The following POLG2 variants were observed in gnomAD, a reference collection of about 807,000 sequenced individuals.
POLG2 encodes the protein DNA polymerase subunit gamma-2.
In POLG2, 50 loss-of-function variants were observed where a neutral mutation model predicts 56.5. The ratio of observed to expected loss-of-function variants is 0.88; its 90% CI spans 0.71 to 1.12. POLG2 has a LOEUF of 1.12. POLG2 is among the 50% of genes most tolerant of loss of function. The probability of loss-of-function intolerance (pLI) is 0.00; values close to 1 mark genes in which losing one functional copy is unlikely to be tolerated. For synonymous variants in POLG2, 226 were observed against 222.6 expected (o/e 1.02, Z -0.14); for missense variants, 584 against 583.3 (o/e 1.00, Z -0.01).
At chr17:64,486,936 TA>T (rs1293702709) in intron 4 of POLG2, 1 of 152,250 alleles carries the variant, frequency 6.6e-6, no homozygotes, top group Non-Finnish European at 1.5e-5. Context: ...TCAAACTTCT[TA>T]AAAATTTCAA....
rs367696388 is a variant in POLG2 at position 64,497,003 on chromosome 17, A to G, written c.-35T>C. ...AAGTTAAAGAGCACACTCTCCCATC[A>G]CTCAACGGATCCCAACAAGCCACCA... On this transcript the variant is annotated 5_prime_UTR_variant, in exon 1 of 8. Transcript: ENST00000539111. 126 of 1,575,556 alleles carry G rather than the reference A, an allele frequency of 8.0e-5. No homozygotes were observed. Among genetic ancestry groups the G allele is most frequent in the Non-Finnish European group, 1.1e-4 (123 of 1,157,806 alleles).
chr17:64,489,552 G>T (rs1555668131), intron 4 of POLG2, among the ~76,000 whole-genome samples: 1 of 151,774 alleles, frequency 6.6e-6, no homozygotes, highest in African/African-American at 2.4e-5. Flanking sequence ...TTTCATCCCA[G>T]GAGTTCGAGA....
chr17:64,482,722 C>T (rs1200209440), intron 6 of POLG2, among the ~76,000 whole-genome samples, 197 bp downstream of exon 6: 6 of 152,124 alleles, frequency 3.9e-5, no homozygotes, highest in East Asian at 1.9e-4. Flanking sequence ...TCAGAAAATC[C>T]GAAATCCAAA....
At chr17:64,493,094 T>A in intron 1 of POLG2, 73 bp from the exon 2 acceptor site, 1 of 1,434,810 alleles carries the variant, frequency 7.0e-7, no homozygotes, top group Non-Finnish European at 9.8e-7. Context: ...ATAGACACAT[T>A]AATAGTAGTA....
Position 64,497,034 on chromosome 17 carries a change from G to T in POLG2, c.-66C>A, listed in dbSNP as rs886053251. 2 of 1,488,428 alleles carry T rather than the reference G, an allele frequency of 1.3e-6. No homozygotes were observed. Among genetic ancestry groups the T allele is most frequent in the African/African-American group, 1.4e-5 (1 of 73,016 alleles). The allele number at this position is 1,488,428 out of a possible 1,614,324, so 92.2% of individuals were successfully genotyped here. Reference sequence around the variant, plus strand: ...CGGATCCCAACAAGCCACCACTACCGTTAACAGAATCCGGAGAGGCCACGG... The same window carrying T: ...CGGATCCCAACAAGCCACCACTACCTTTAACAGAATCCGGAGAGGCCACGG... On this transcript the variant is annotated 5_prime_UTR_variant, in exon 1 of 8. Coordinates refer to ENST00000539111, the MANE Select transcript of POLG2 (RefSeq NM_007215.4).
intron 5 of POLG2, among the ~76,000 whole-genome samples, chr17:64,484,689 A>G (rs1465211159): frequency 1.3e-5 from 2 of 152,176 alleles, no homozygotes; most frequent in African/African-American, 4.8e-5. Context: ...TGTAAGAAAA[A>G]GAAAGGATTC....
chr17:64,489,759 A>T (rs370166718), intron 4 of POLG2, among the ~76,000 whole-genome samples: 183 of 147,584 alleles, frequency 1.2e-3, no homozygotes, highest in African/African-American at 3.6e-3. Context: ...CCTGTCTCAA[A>T]TAAAGAAAAA....
chr17:64,494,324 A>G (rs2038114307), intron 1 of POLG2, among the ~76,000 whole-genome samples: 1 of 152,212 alleles, frequency 6.6e-6, no homozygotes, highest in African/African-American at 2.4e-5. Flanking sequence ...AACATGAGGA[A>G]CATGTTATCA....
intron 4 of POLG2, among the ~76,000 whole-genome samples, chr17:64,489,145 G>T (rs1349514542): frequency 1.3e-5 from 2 of 150,890 alleles, no homozygotes; most frequent in Non-Finnish European, 2.9e-5. Flanking sequence ...GTAAGGAAGT[G>T]CTCGTCAAGA....
intron 1 of POLG2, among the ~76,000 whole-genome samples, chr17:64,495,241 T>C (rs1464647889): frequency 6.7e-6 from 1 of 150,004 alleles, no homozygotes; most frequent in Non-Finnish European, 1.5e-5. Flanking sequence ...CTGAGGGTCA[T>C]TGCTTCTAGG....
At chr17:64,491,715 G>A in intron 3 of POLG2, 3 of 925,454 alleles carry the variant, frequency 3.2e-6, no homozygotes, top group Non-Finnish European at 3.5e-6. Context: ...CATGGTGCTG[G>A]CAGGGTACAT....
intron 7 of POLG2, among the ~76,000 whole-genome samples, chr17:64,479,525 C>T (rs1414492117): frequency 6.6e-6 from 1 of 151,786 alleles, no homozygotes; most frequent in Admixed American, 6.6e-5. Flanking sequence ...AACTGAAGAT[C>T]AAAACACAAT....
At chr17:64,494,877 A>C (rs1426076944) in intron 1 of POLG2, among the ~76,000 whole-genome samples, 1 of 152,192 alleles carries the variant, frequency 6.6e-6, no homozygotes, top group South Asian at 2.1e-4. Flanking sequence ...TTCATCTTAG[A>C]AACCAAGATC....
rs375795244 is a variant in POLG2, at chr17:64,492,959, C to A, written c.625G>T (p.Ala209Ser). The A allele has an allele frequency of 5.6e-6, 9 of 1,613,876 alleles. No homozygotes were observed. Among genetic ancestry groups the A allele is most frequent in the Non-Finnish European group, 7.6e-6 (9 of 1,179,858 alleles). Residue 209 changes from alanine (A) to serine (S), a missense_variant, in exon 2 of 8, where the codon GCT becomes TCT. Ala to Ser is a moderately conservative substitution (Grantham distance 99, BLOSUM62 1). Transcript: ENST00000539111. ...GGATGAAAACACACTCCAATCTGAG[C>A]AAGGCCATAAGGTAGCCTCTTGTTT... ...LVNKRLPYGL[A>S]QIGVCFHPVF...
At chr17:64,485,611 T>C in intron 5 of POLG2, 117 bp downstream of exon 5, 1 of 847,846 alleles carries the variant, frequency 1.2e-6, no homozygotes, top group Non-Finnish European at 2.0e-6. Flanking sequence ...ATACTTAGAC[T>C]ACATGCACTA....
At chr17:64,489,337 G>A (rs1350971939) in intron 4 of POLG2, among the ~76,000 whole-genome samples, 2 of 144,988 alleles carry the variant, frequency 1.4e-5, no homozygotes, top group African/African-American at 5.2e-5. Context: ...AAATCTAGAA[G>A]GAATGATGGA....
At chr17:64,487,431 T>C (rs1224237096) in intron 4 of POLG2, 1 of 151,960 alleles carries the variant, frequency 6.6e-6, no homozygotes, top group Non-Finnish European at 1.5e-5. Flanking sequence ...CTGGCCAACA[T>C]GGTAAAACCC....
rs143660836 is a variant in POLG2, at chr17:64,492,768, C to T, written c.694G>A (p.Gly232Ser). 2.5e-4 allele frequency: 397 copies of T among 1,608,822 alleles called. 5 individuals carry two copies. The South Asian group carries it at 2.5e-3, about 10-fold the overall frequency. ...KQIRNGVKSI[G>S]EKTEASLVWF... The stretch of plus-strand genomic sequence containing the variant: ...ACTAACGAAGCTTCAGTCTTCTCAC[C>T]AATACTTTAGATATAAAACGTATCA... The change falls in exon 3 of 8, where the codon GGT (glycine) becomes AGT (serine). Residue 232 changes from glycine (G) to serine (S), a missense_variant. Gly to Ser is a moderately conservative substitution (Grantham distance 56, BLOSUM62 0). Transcript: ENST00000539111.
In POLG2 at chr17:64,483,332, G is replaced by A. The variant is rs146560843; in HGVS notation, c.1111-333C>T. 2.4e-3 allele frequency among the ~76,000 whole-genome samples: 357 copies of A among 151,778 alleles called. 1 individual carries two copies. The highest frequency in any genetic ancestry group is 8.3e-3 in the African/African-American group (343 of 41,348). On this transcript the variant is annotated intron_variant, in intron 5 of 7. Transcript: ENST00000539111. ...AGTTTGAGACCAGCCTGGGCAACACGGTGAAAACTTCTCTCTACCAAAAAA... is the reference window on the plus strand; with the variant it reads ...AGTTTGAGACCAGCCTGGGCAACACAGTGAAAACTTCTCTCTACCAAAAAA...
Sources: gnomAD v4.1 joint callset for allele counts (sites outside exome capture counted in the v4.1 genomes callset) on GRCh38, gnomAD v4.1.1 for gene constraint, MANE v1.5 for transcripts, NCBI Gene and HGNC (gene_info 2026-07-23, HGNC 2026-07-21) for gene names.